Variants in CCBE1 observed in about 807,000 individuals in gnomAD.
The protein encoded by CCBE1 is collagen and calcium binding EGF domains 1.
In CCBE1, 37 loss-of-function variants were observed where a neutral mutation model predicts 50.0. The observed-to-expected ratio is 0.74, with a 90% CI of 0.57 to 0.97. The LOEUF is 0.97. CCBE1 is among the 50% of genes least tolerant of loss of function. The pLI, the probability that CCBE1 is intolerant of heterozygous loss-of-function variation, is 0.00. For synonymous variants in CCBE1, 234 were observed against 203.7 expected (o/e 1.15, Z -1.27); for missense variants, 538 against 523.8 (o/e 1.03, Z -0.26).
chr18:59,467,012 C>G (rs1200709945), intron 4 of CCBE1, 121 bp from the exon 5 acceptor site: 2 of 860,836 alleles, frequency 2.3e-6, no homozygotes, highest in East Asian at 2.5e-5. Flanking sequence ...CGACCTTGAT[C>G]AGAGCAGCCT....
At chr18:59,645,875 C>CA (rs1398120461) in intron 2 of CCBE1, among the ~76,000 whole-genome samples, 3 of 151,940 alleles carry the variant, frequency 2.0e-5, no homozygotes, top group East Asian at 1.9e-4. Flanking sequence ...GCTAAAAATA[C>CA]AAAAAAATAG....
At chr18:59,646,798 T>C (rs904724009) in intron 2 of CCBE1, among the ~76,000 whole-genome samples, 1 of 152,262 alleles carries the variant, frequency 6.6e-6, no homozygotes, top group Non-Finnish European at 1.5e-5. Flanking sequence ...GATGAGATGC[T>C]GGTCCATGTG....
intron 2 of CCBE1, among the ~76,000 whole-genome samples, chr18:59,588,270 G>T (rs1462450049): frequency 1.3e-5 from 2 of 152,132 alleles, no homozygotes; most frequent in Non-Finnish European, 2.9e-5. Flanking sequence ...TGGATTAAGA[G>T]GTAAATATTG....
chr18:59,691,947 T>C (rs545069007), intron 2 of CCBE1, among the ~76,000 whole-genome samples: 6 of 152,160 alleles, frequency 3.9e-5, no homozygotes, highest in Non-Finnish European at 7.4e-5. Flanking sequence ...CTTCAAGTTC[T>C]AGTTCAGGCT....
intron 2 of CCBE1, among the ~76,000 whole-genome samples, chr18:59,691,401 TTTG>T (rs372593583): frequency 0.83 from 125,372 of 151,514 alleles, 52,651 homozygotes; most frequent in Admixed American, 0.92. Flanking sequence ...CACAAGATTT[TTTG>T]TTTGTTTGTT....
At chr18:59,696,336 A>C (rs2054803379) in intron 2 of CCBE1, 1 of 597,518 alleles carries the variant, frequency 1.7e-6, no homozygotes, top group African/African-American at 1.9e-5. Context: ...GTTTACACCC[A>C]AAATCCAATC....
chr18:59,676,510 A>C (rs538413324), intron 2 of CCBE1, among the ~76,000 whole-genome samples: 20 of 152,372 alleles, frequency 1.3e-4, no homozygotes, highest in African/African-American at 4.1e-4. Context: ...AAAACTAAGT[A>C]TAAATTAAAT....
intron 2 of CCBE1, among the ~76,000 whole-genome samples, chr18:59,618,438 T>A (rs2053666492): frequency 7.1e-6 from 1 of 141,324 alleles, no homozygotes; most frequent in East Asian, 2.0e-4. Context: ...TTAGAAAAGT[T>A]TTTTTTTTTT....
chr18:59,687,331 G>T (rs1484559420), intron 2 of CCBE1, among the ~76,000 whole-genome samples: 1 of 152,182 alleles, frequency 6.6e-6, no homozygotes, highest in Non-Finnish European at 1.5e-5. Flanking sequence ...ACATGTTAAA[G>T]GTCATGAACG....
chr18:59,600,397 T>C (rs1200985257), intron 2 of CCBE1, among the ~76,000 whole-genome samples: 2 of 151,940 alleles, frequency 1.3e-5, no homozygotes, highest in Non-Finnish European at 2.9e-5. Flanking sequence ...TACATTATGG[T>C]GAGTTGTGTA....
At chr18:59,696,595 A>C in intron 2 of CCBE1, 34 bp downstream of exon 2, 1 of 1,612,562 alleles carries the variant, frequency 6.2e-7, no homozygotes, top group Non-Finnish European at 8.5e-7. Context: ...CCCGGTGCGC[A>C]GTGGCGAACA....
chr18:59,541,435 G>A (rs17770584), intron 2 of CCBE1, among the ~76,000 whole-genome samples: 45,924 of 151,982 alleles, frequency 0.3, 7,213 homozygotes, highest in Non-Finnish European at 0.34. Context: ...AGAGATACAG[G>A]GATCATTTGG....
At chr18:59,482,883 C>A (rs1375840588) in intron 2 of CCBE1, among the ~76,000 whole-genome samples, 1 of 151,662 alleles carries the variant, frequency 6.6e-6, no homozygotes, top group African/African-American at 2.4e-5. Flanking sequence ...GTTAAATTAC[C>A]GTTTTTAAGA....
chr18:59,479,157 C>G (rs1912450554), intron 3 of CCBE1, among the ~76,000 whole-genome samples: 2 of 152,224 alleles, frequency 1.3e-5, no homozygotes, highest in South Asian at 4.1e-4. Context: ...GTGAAGAAAA[C>G]TGTTTCACAT....
intron 2 of CCBE1, among the ~76,000 whole-genome samples, chr18:59,686,607 C>T (rs1240079921): frequency 1.3e-5 from 2 of 152,204 alleles, no homozygotes; most frequent in Non-Finnish European, 2.9e-5. Context: ...TGGTTCCTCA[C>T]CTCAAAGCCT....
At chr18:59,624,252 C>G (rs2053748695) in intron 2 of CCBE1, among the ~76,000 whole-genome samples, 2 of 152,182 alleles carry the variant, frequency 1.3e-5, no homozygotes. Flanking sequence ...TAGACCTTCA[C>G]AATTTAGCCT....
chr18:59,445,220 G>A (rs1350251471), intron 7 of CCBE1, among the ~76,000 whole-genome samples: 1 of 152,156 alleles, frequency 6.6e-6, no homozygotes. Context: ...TTTGCAGATG[G>A]TGTAAGGTAA....
At chr18:59,468,143 T>C (rs1392464435) in intron 4 of CCBE1, among the ~76,000 whole-genome samples, 1 of 152,152 alleles carries the variant, frequency 6.6e-6, no homozygotes, top group Non-Finnish European at 1.5e-5. Flanking sequence ...ATCCCAGCGC[T>C]TTGGGGGGGC....
chr18:59,688,718 G>C (rs980173925), intron 2 of CCBE1, among the ~76,000 whole-genome samples: 1 of 152,212 alleles, frequency 6.6e-6, no homozygotes, highest in Non-Finnish European at 1.5e-5. Context: ...ACTTAGGAAT[G>C]ATGACTTGAA....
Sources: allele counts gnomAD v4.1 joint callset (sites outside exome capture counted in the v4.1 genomes callset), GRCh38; gene constraint gnomAD v4.1.1; transcripts MANE v1.5; gene names NCBI Gene and HGNC (gene_info 2026-07-23, HGNC 2026-07-21).